The following PRKG1 variants were observed in gnomAD, a reference collection of about 807,000 sequenced individuals.
PRKG1 encodes protein kinase cGMP-dependent 1.
In PRKG1, 35 loss-of-function variants were observed where a neutral mutation model predicts 88.1. That is an observed-to-expected ratio of 0.40 (90% CI 0.30 to 0.53). PRKG1 has a LOEUF of 0.53. Among genes scored for constraint, PRKG1 ranks in the 20% least tolerant of loss-of-function variants. The probability of loss-of-function intolerance (pLI) is 0.59; values close to 1 mark genes in which losing one functional copy is unlikely to be tolerated. For synonymous variants in PRKG1, 303 were observed against 292.5 expected, an observed-to-expected ratio of 1.04 and a Z score of -0.37; for missense variants, 540 against 839.8, an observed-to-expected ratio of 0.64 and a Z score of 4.41.
chr10:51,539,875 T>C (rs1352776306), intron 3 of PRKG1, among the ~76,000 whole-genome samples: 1 of 152,160 alleles, frequency 6.6e-6, no homozygotes, highest in African/African-American at 2.4e-5. Flanking sequence ...TTAGCAAAAA[T>C]CAATGGGAAT....
intron 3 of PRKG1, among the ~76,000 whole-genome samples, chr10:51,630,499 C>T (rs1431809870): frequency 3.9e-5 from 6 of 152,084 alleles, no homozygotes; most frequent in African/African-American, 1.4e-4. Flanking sequence ...TCAGATTTCC[C>T]GATAGACTTG....
At chr10:51,376,304 T>C (rs74131623) in intron 2 of PRKG1, among the ~76,000 whole-genome samples, 1 of 152,252 alleles carries the variant, frequency 6.6e-6, no homozygotes, top group Non-Finnish European at 1.5e-5. Flanking sequence ...AGTTTATACA[T>C]AGTTCCAATC....
chr10:51,175,325 A>T (rs1164626493), intron 2 of PRKG1, among the ~76,000 whole-genome samples: 1 of 152,012 alleles, frequency 6.6e-6, no homozygotes, highest in Non-Finnish European at 1.5e-5. Flanking sequence ...ACACACAAAT[A>T]CACATATATA....
chr10:51,557,747 G>A lies in PRKG1; in HGVS notation c.592+89911G>A, dbSNP rs10998096. 3.0e-3 allele frequency among the ~76,000 whole-genome samples: 449 copies of A among 152,076 alleles called. 3 individuals carry two copies. The highest frequency in any genetic ancestry group is 0.011 in the African/African-American group (436 of 41,522). ...TGTATTGGGGTTGAACCTGAATGAT[G>A]ACCTTAAGACCATGCCTCAGAGTGT... On this transcript the variant is annotated intron_variant, in intron 3 of 17. Transcript: ENST00000373980.
At chr10:51,872,497 A>G (rs1841183995) in intron 4 of PRKG1, among the ~76,000 whole-genome samples, 1 of 152,180 alleles carries the variant, frequency 6.6e-6, no homozygotes, top group Admixed American at 6.5e-5. Context: ...GAATTTGGTT[A>G]AATTCAATAA....
At chr10:51,300,572 G>T (rs1840856972) in intron 2 of PRKG1, among the ~76,000 whole-genome samples, 1 of 152,154 alleles carries the variant, frequency 6.6e-6, no homozygotes, top group African/African-American at 2.4e-5. Flanking sequence ...CTTGAGTGTG[G>T]TTTACTTTTG....
intron 2 of PRKG1, among the ~76,000 whole-genome samples, chr10:51,176,438 A>G (rs9414863): frequency 0.066 from 10,008 of 152,174 alleles, 692 homozygotes; most frequent in African/African-American, 0.17. Flanking sequence ...ACCATGCTAG[A>G]TGCTTAACAT....
intron 2 of PRKG1, among the ~76,000 whole-genome samples, chr10:51,456,752 A>G (rs1459890842): frequency 3.3e-5 from 5 of 152,166 alleles, no homozygotes; most frequent in Admixed American, 3.3e-4. Flanking sequence ...ACAAAACCAA[A>G]TAATCCTATC....
At chr10:51,719,164 G>A (rs1408996724) in intron 3 of PRKG1, among the ~76,000 whole-genome samples, 1 of 150,192 alleles carries the variant, frequency 6.7e-6, no homozygotes, top group Non-Finnish European at 1.5e-5. Context: ...AAAAGAGAGA[G>A]AGAGAGAGGG....
At chr10:52,193,554 AAAAAAAAAC>A (rs1564511316) in intron 9 of PRKG1, among the ~76,000 whole-genome samples, 1 of 27,082 alleles carries the variant, frequency 3.7e-5, no homozygotes, top group Non-Finnish European at 1.1e-4. Flanking sequence ...GTCTCAAAAA[AAAAAAAAAC>A]AAAAAAAAAA....
intron 7 of PRKG1, among the ~76,000 whole-genome samples, chr10:52,081,852 GAGA>G (rs1366354779): frequency 1.0e-4 from 13 of 125,604 alleles, no homozygotes; most frequent in African/African-American, 4.0e-4. Context: ...AGCTATCTGA[GAGA>G]AGAATGTTTC....
At position 51,350,458 on chromosome 10, in the gene PRKG1, T is replaced by G. The variant is rs116063126; in HGVS notation, c.479-117265T>G. On this transcript the variant is annotated intron_variant, in intron 2 of 17. Coordinates refer to ENST00000373980, the MANE Select transcript of PRKG1 (RefSeq NM_006258.4). Reference sequence around the variant, plus strand: ...CCTCAACATAATAAAAGCCACATACTACAGACCCACAGTTAGTATCATACT... The same window carrying G: ...CCTCAACATAATAAAAGCCACATACGACAGACCCACAGTTAGTATCATACT... Among the ~76,000 whole-genome samples the G allele has an allele frequency of 3.1e-3, 468 of 152,220 alleles. 1 individual carries two copies. Among genetic ancestry groups the G allele is most frequent in the African/African-American group, 0.011 (445 of 41,528 alleles).
At chr10:52,192,436 T>G (rs1304675692) in intron 9 of PRKG1, among the ~76,000 whole-genome samples, 1 of 152,080 alleles carries the variant, frequency 6.6e-6, no homozygotes, top group Non-Finnish European at 1.5e-5. Flanking sequence ...AATATATTAT[T>G]TAACTCACAG....
intron 3 of PRKG1, among the ~76,000 whole-genome samples, chr10:51,521,066 A>G (rs1389924018): frequency 6.6e-6 from 1 of 152,208 alleles, no homozygotes; most frequent in Non-Finnish European, 1.5e-5. Flanking sequence ...AGGCGGGTGG[A>G]TCACCTAGGT....
chr10:51,437,848 C>T (rs1838980822), intron 2 of PRKG1, among the ~76,000 whole-genome samples: 1 of 149,288 alleles, frequency 6.7e-6, no homozygotes, highest in African/African-American at 2.5e-5. Flanking sequence ...CTAATGTGAT[C>T]TAGTAGGCAG....
In PRKG1 at chr10:51,867,647, T is replaced by C. The variant is rs567465044; in HGVS notation, c.699-39860T>C. 4.3e-4 allele frequency among the ~76,000 whole-genome samples: 65 copies of C among 152,220 alleles called. 1 individual carries two copies. The highest frequency in any genetic ancestry group is 8.3e-4 in the South Asian group (4 of 4,828). On this transcript the variant is annotated intron_variant, in intron 4 of 17. Transcript: ENST00000373980. Reference sequence around the variant, plus strand: ...GCTTGGGTAACTGTCGGAGGTGATATAGACTGTGAATTGGAAAATCAGAGA... The same window carrying C: ...GCTTGGGTAACTGTCGGAGGTGATACAGACTGTGAATTGGAAAATCAGAGA...
intron 3 of PRKG1, among the ~76,000 whole-genome samples, chr10:51,694,155 T>A (rs1347805203): frequency 6.6e-6 from 1 of 152,176 alleles, no homozygotes; most frequent in Non-Finnish European, 1.5e-5. Context: ...GAGACTGACA[T>A]TCTTTTGTGA....
At chr10:51,716,282 C>T (rs889494391) in intron 3 of PRKG1, among the ~76,000 whole-genome samples, 3 of 152,110 alleles carry the variant, frequency 2.0e-5, no homozygotes, top group Non-Finnish European at 1.5e-5. Context: ...GTTTACAGTC[C>T]GTCACCCCTG....
chr10:51,682,458 C>T (rs1390665053), intron 3 of PRKG1, among the ~76,000 whole-genome samples: 1 of 152,102 alleles, frequency 6.6e-6, no homozygotes, highest in East Asian at 1.9e-4. Context: ...TAGCTGATCT[C>T]GTTTCCTCCA....
Sources: allele counts gnomAD v4.1 joint callset (sites outside exome capture counted in the v4.1 genomes callset), GRCh38; gene constraint gnomAD v4.1.1; transcripts MANE v1.5; gene names NCBI Gene and HGNC (gene_info 2026-07-23, HGNC 2026-07-21).